The following AHI1 variants were observed in gnomAD, a reference collection of about 807,000 sequenced individuals.
AHI1 encodes the protein Abelson helper integration site 1.
A neutral mutation model predicts 149.3 loss-of-function variants in AHI1; 123 were observed. The ratio of observed to expected loss-of-function variants is 0.82; its 90% CI spans 0.71 to 0.96. The LOEUF (loss-of-function observed/expected upper bound fraction) is 0.96, where lower values mean the gene tolerates loss of function less well. Ranked by LOEUF, AHI1 falls within the 40% of genes least tolerant of loss-of-function variation. AHI1 has a pLI of 0.00. For synonymous variants in AHI1, 475 were observed against 459.8 expected, an observed-to-expected ratio of 1.03 and a Z score of -0.42; for missense variants, 1,439 against 1,422.7, an observed-to-expected ratio of 1.01 and a Z score of -0.18.
intron 26 of AHI1, among the ~76,000 whole-genome samples, chr6:135,312,476 T>C (rs959559256): frequency 1.3e-5 from 2 of 152,122 alleles, no homozygotes; most frequent in Admixed American, 6.6e-5. Context: ...ATCTCACCAC[T>C]GTACTTCAGC....
intron 23 of AHI1, among the ~76,000 whole-genome samples, chr6:135,383,225 C>CTTTTTTTTTTTT (rs1237358406): frequency 1.7e-5 from 1 of 58,760 alleles, no homozygotes; most frequent in Non-Finnish European, 2.9e-5. Flanking sequence ...TTCCCCCCTC[C>CTTTTTTTTTTTT]CTTTTTTTTT....
intron 22 of AHI1, among the ~76,000 whole-genome samples, chr6:135,399,580 T>C (rs1489409353): frequency 6.6e-6 from 1 of 152,150 alleles, no homozygotes; most frequent in Non-Finnish European, 1.5e-5. Flanking sequence ...ATTTGTTAGA[T>C]CCGCTGAGCT....
intron 5 of AHI1, among the ~76,000 whole-genome samples, chr6:135,471,053 T>C (rs1791609521): frequency 6.6e-6 from 1 of 152,200 alleles, no homozygotes; most frequent in African/African-American, 2.4e-5. Context: ...TTCTACTTTT[T>C]CAGTGAGTAC....
chr6:135,390,559 G>A (rs1479100123), intron 23 of AHI1, among the ~76,000 whole-genome samples: 3 of 152,150 alleles, frequency 2.0e-5, no homozygotes, highest in Non-Finnish European at 4.4e-5. Context: ...TGTGAGCAGG[G>A]AGCCCACTTC....
At chr6:135,480,506 T>G (rs1161735319) in intron 5 of AHI1, among the ~76,000 whole-genome samples, 2 of 152,156 alleles carry the variant, frequency 1.3e-5, no homozygotes, top group African/African-American at 4.8e-5. Flanking sequence ...TTCTATTTAT[T>G]TCCTCCCATA....
At chr6:135,471,960 C>T (rs1007333127) in intron 5 of AHI1, among the ~76,000 whole-genome samples, 11 of 132,730 alleles carry the variant, frequency 8.3e-5, no homozygotes, top group East Asian at 2.4e-4. Context: ...TGCAGTGAGC[C>T]GAGATTGCGC....
At chr6:135,306,114 A>G (rs1036591011) in intron 26 of AHI1, among the ~76,000 whole-genome samples, 4 of 152,236 alleles carry the variant, frequency 2.6e-5, no homozygotes, top group Non-Finnish European at 5.9e-5. Context: ...ATTGACCATT[A>G]TACCATCCAG....
chr6:135,412,952 G>A (rs552380904), intron 20 of AHI1, among the ~76,000 whole-genome samples: 1 of 152,270 alleles, frequency 6.6e-6, no homozygotes, highest in African/African-American at 2.4e-5. Context: ...GATTACATGA[G>A]TCAGAAAAGG....
Position 135,374,509 on chromosome 6 carries a change from A to G in AHI1, c.3110-16322T>C, listed in dbSNP as rs371973727. On this transcript the variant is annotated intron_variant, in intron 23 of 28. Coordinates refer to ENST00000265602, the MANE Select transcript of AHI1 (RefSeq NM_001134831.2). The stretch of plus-strand genomic sequence containing the variant: ...AGGTAAACTATGTTTTGCAGATAAT[A>G]TAATTTTATATCTAGTAAGTCCAAA... Among the ~76,000 whole-genome samples, 4 of 152,168 alleles carry G rather than the reference A, an allele frequency of 2.6e-5. No homozygotes were observed. The East Asian group carries it at 5.8e-4, about 22-fold the overall frequency.
intron 24 of AHI1, among the ~76,000 whole-genome samples, chr6:135,326,859 C>T (rs992311218): frequency 2.0e-5 from 3 of 152,146 alleles, no homozygotes; most frequent in Non-Finnish European, 4.4e-5. Flanking sequence ...TGCACCTGGC[C>T]CCCGACAGGT....
chr6:135,443,807 T>C (rs1279657592), intron 13 of AHI1, among the ~76,000 whole-genome samples: 2 of 152,144 alleles, frequency 1.3e-5, no homozygotes, highest in Non-Finnish European at 2.9e-5. Flanking sequence ...CCAGACTCCA[T>C]GCTACCCATC....
At position 135,457,522 on chromosome 6, in the gene AHI1, T is replaced by C; in HGVS notation, c.1123A>G (p.Thr375Ala). 4 of 1,613,704 alleles carry C rather than the reference T, an allele frequency of 2.5e-6. No individual in the cohort carries two copies. The highest frequency in any genetic ancestry group is 4.5e-5 in the East Asian group (2 of 44,860). ...TCATCTTTCTTGACATATTGACCAG[T>C]ATGCTCATCAACCACATGAATTTTT... The part of the protein sequence containing the change: ...MVKIHVVDEH[T>A]GQYVKKDDSG... The change falls in exon 9 of 29, where the codon ACT (threonine) becomes GCT (alanine). Residue 375 changes from threonine to alanine, a missense_variant. Transcript: ENST00000265602.
intron 22 of AHI1, among the ~76,000 whole-genome samples, chr6:135,404,391 C>G (rs1780456045): frequency 6.6e-6 from 1 of 152,178 alleles, no homozygotes. Context: ...AACTTGGGAC[C>G]TTGGGCAAAT....
At chr6:135,474,713 T>C (rs1562259964) in intron 5 of AHI1, 1 of 152,218 alleles carries the variant, frequency 6.6e-6, no homozygotes, top group Non-Finnish European at 1.5e-5. Flanking sequence ...TTGGATATGG[T>C]GAATTACATT....
chr6:135,394,119 C>T (rs1486533047), intron 23 of AHI1, among the ~76,000 whole-genome samples: 1 of 151,922 alleles, frequency 6.6e-6, no homozygotes, highest in East Asian at 1.9e-4. Flanking sequence ...AGCTTTCTTA[C>T]CTTTCTAAAA....
intron 22 of AHI1, among the ~76,000 whole-genome samples, chr6:135,397,411 C>T (rs1779372544): frequency 6.6e-6 from 1 of 151,964 alleles, no homozygotes; most frequent in South Asian, 2.1e-4. Context: ...TTTCACAACA[C>T]CCTTTTCTGT....
Position 135,359,704 on chromosome 6 carries a change from TAAC to T in AHI1, c.3110-1520_3110-1518del, listed in dbSNP as rs546412015. On this transcript the variant is annotated intron_variant, in intron 23 of 28. Coordinates refer to ENST00000265602, the MANE Select transcript of AHI1 (RefSeq NM_001134831.2). ...AGTGGTCATGCCAGAGTTCAGCAAT[TAAC>T]AACATCTTACACACGTCTTCTCACT... Among the ~76,000 whole-genome samples the T allele has an allele frequency of 2.2e-3, 335 of 152,346 alleles. 1 individual carries two copies. The highest frequency in any genetic ancestry group is 7.7e-3 in the African/African-American group (320 of 41,572).
chr6:135,416,951 CTAT>C (rs1235202799), intron 20 of AHI1, among the ~76,000 whole-genome samples: 1 of 152,022 alleles, frequency 6.6e-6, no homozygotes, highest in African/African-American at 2.4e-5. Context: ...GTGGATTTGA[CTAT>C]TATTTTTCAT....
intron 11 of AHI1, among the ~76,000 whole-genome samples, chr6:135,451,894 T>C (rs17064524): frequency 6.6e-6 from 1 of 151,770 alleles, no homozygotes; most frequent in Non-Finnish European, 1.5e-5. Context: ...ATGGAAGGTG[T>C]TATGGAAAAA....
Sources: allele counts gnomAD v4.1 joint callset (sites outside exome capture counted in the v4.1 genomes callset), GRCh38; gene constraint gnomAD v4.1.1; transcripts MANE v1.5; gene names NCBI Gene and HGNC (gene_info 2026-07-23, HGNC 2026-07-21).